Variants in SPRED2 observed in about 807,000 individuals in gnomAD.
The protein encoded by SPRED2 is sprouty-related, EVH1 domain-containing protein 2.
Under a neutral mutation model 43.0 loss-of-function variants are expected in SPRED2, and 47 were observed. The ratio of observed to expected loss-of-function variants is 1.09; its 90% CI spans 0.87 to 1.40. The LOEUF (loss-of-function observed/expected upper bound fraction) is 1.40. SPRED2 is among the 40% of genes most tolerant of loss of function. The pLI is 0.00. For synonymous variants in SPRED2, 225 were observed against 225.7 expected, an observed-to-expected ratio of 1.00 and a Z score of 0.03; for missense variants, 561 against 586.4, an observed-to-expected ratio of 0.96 and a Z score of 0.45.
Position 65,314,083 on chromosome 2 carries a change from C to T in SPRED2, c.675G>A (p.Met225Ile). ...VRINPREKIW[M>I]TGYEDYRHAP... ...CGTGCCGGTAATCCTCGTACCCCGT[C>T]ATCCAGATCTTCTCCCGGGGGTTGA... Residue 225 changes from methionine (M) to isoleucine (I), a missense_variant, in exon 6 of 6, where the codon ATG (methionine) becomes ATA (isoleucine). By Grantham distance (10) the Met-to-Ile change is conservative (BLOSUM62 1). Coordinates refer to ENST00000356388, the MANE Select transcript of SPRED2 (RefSeq NM_181784.3). 6.2e-7 allele frequency: 1 copy of T among 1,613,934 alleles called. No homozygotes were observed.
intron 2 of SPRED2, among the ~76,000 whole-genome samples, chr2:65,338,848 G>T (rs989369268): frequency 6.6e-6 from 1 of 151,754 alleles, no homozygotes; most frequent in Non-Finnish European, 1.5e-5. Flanking sequence ...CACCTGGGAA[G>T]TGAGGAGCGC....
At chr2:65,349,784 G>A (rs1356428533) in intron 1 of SPRED2, among the ~76,000 whole-genome samples, 1 of 152,208 alleles carries the variant, frequency 6.6e-6, no homozygotes, top group Non-Finnish European at 1.5e-5. Context: ...TGCACTCTGA[G>A]GCCTCCTCCT....
Position 65,313,752 on chromosome 2 carries a change from A to G in SPRED2, c.1006T>C (p.Cys336Arg). The change falls in exon 6 of 6, where the codon TGC becomes CGC. Residue 336 changes from cysteine to arginine, a missense_variant. Physicochemically the swap from Cys to Arg is radical, Grantham distance 180. Transcript: ENST00000356388. ...CQDAPDSVRTCIRRVSCMWCA... is the reference protein window; with the variant it reads ...CQDAPDSVRTRIRRVSCMWCA... ...CACATGCAGCTCACCCGGCGGATGC[A>G]AGTTCTCACGGAGTCGGGCGCGTCC... is the stretch of plus-strand genomic sequence containing the variant. 1.2e-6 allele frequency: 2 copies of G among 1,614,174 alleles called. No individual in the cohort carries two copies. Among genetic ancestry groups the G allele is most frequent in the Non-Finnish European group, 1.7e-6 (2 of 1,180,022 alleles).
intron 4 of SPRED2, among the ~76,000 whole-genome samples, chr2:65,327,713 CTTTTTTTTTTTT>C (rs555549300): frequency 1.1e-4 from 8 of 74,468 alleles, no homozygotes; most frequent in South Asian, 7.8e-4. Flanking sequence ...TTCTTTCTTT[CTTTTTTTTTTTT>C]TTTTTTTTTT....
Position 65,432,208 on chromosome 2 carries a change from A to G in SPRED2, c.-221T>C, listed in dbSNP as rs1169806271. On this transcript the variant is annotated 5_prime_UTR_variant, in exon 1 of 6. Coordinates refer to ENST00000356388, the MANE Select transcript of SPRED2 (RefSeq NM_181784.3). ...AGGCTGCGCGGGGAGTGAACGCCGC[A>G]GCGCCGTGGGGAGAGGCGGGCGGAG... 3.4e-6 allele frequency: 2 copies of G among 582,912 alleles called. No individual in the cohort carries two copies. The highest frequency in any genetic ancestry group is 3.0e-5 in the East Asian group (1 of 33,396). The allele number at this position is 582,912 out of a possible 1,614,324, so 36.1% of individuals were successfully genotyped here.
intron 4 of SPRED2, among the ~76,000 whole-genome samples, chr2:65,323,929 C>A (rs543320982): frequency 3.3e-5 from 5 of 151,706 alleles, no homozygotes; most frequent in Non-Finnish European, 5.9e-5. Flanking sequence ...GGGTGCTTTG[C>A]GGGATGTGGG....
At chr2:65,407,082 C>A (rs1407200853) in intron 1 of SPRED2, among the ~76,000 whole-genome samples, 2 of 152,034 alleles carry the variant, frequency 1.3e-5, no homozygotes, top group Non-Finnish European at 2.9e-5. Context: ...CACCCACCAC[C>A]ATGCCCGGCT....
intron 3 of SPRED2, chr2:65,334,287 C>T (rs1222009062): frequency 1.2e-5 from 6 of 487,586 alleles, no homozygotes; most frequent in South Asian, 9.3e-5. Flanking sequence ...CAGACCAGAC[C>T]AAAGCCATTT....
intron 1 of SPRED2, among the ~76,000 whole-genome samples, chr2:65,355,358 T>G (rs531231564): frequency 6.6e-6 from 1 of 152,192 alleles, no homozygotes; most frequent in Non-Finnish European, 1.5e-5. Context: ...TCAGAGGTAG[T>G]TCTGAGTTTT....
Position 65,367,385 on chromosome 2 carries a change from T to C in SPRED2, c.27-22489A>G, listed in dbSNP as rs373294996. On this transcript the variant is annotated intron_variant, in intron 1 of 5. Coordinates refer to ENST00000356388, the MANE Select transcript of SPRED2 (RefSeq NM_181784.3). ...GGCAAAATCTTGATAAATGGTTGCATCTGTGTAGTGCGTATATGCAGGCTG... is the reference window on the plus strand; with the variant it reads ...GGCAAAATCTTGATAAATGGTTGCACCTGTGTAGTGCGTATATGCAGGCTG... 2.8e-3 allele frequency among the ~76,000 whole-genome samples: 424 copies of C among 152,336 alleles called. 2 individuals are homozygous for C. Among genetic ancestry groups the C allele is most frequent in the African/African-American group, 9.9e-3 (410 of 41,568 alleles).
At chr2:65,331,645 C>T (rs140582602) in intron 4 of SPRED2, among the ~76,000 whole-genome samples, 1 of 152,294 alleles carries the variant, frequency 6.6e-6, no homozygotes, top group Non-Finnish European at 1.5e-5. Context: ...AGGTGTTTCC[C>T]AGGACTAGGG....
At chr2:65,363,205 C>T (rs1674875913) in intron 1 of SPRED2, among the ~76,000 whole-genome samples, 1 of 141,248 alleles carries the variant, frequency 7.1e-6, no homozygotes, top group Non-Finnish European at 1.5e-5. Context: ...TGCCATTGCA[C>T]TCCACCCTGG....
chr2:65,316,130 A>C (rs924462717), intron 5 of SPRED2, among the ~76,000 whole-genome samples: 1 of 152,240 alleles, frequency 6.6e-6, no homozygotes, highest in African/African-American at 2.4e-5. Flanking sequence ...ACAGCACCCC[A>C]CACAGGCACC....
intron 1 of SPRED2, among the ~76,000 whole-genome samples, chr2:65,348,944 CAT>C (rs1674428563): frequency 6.6e-6 from 1 of 152,178 alleles, no homozygotes; most frequent in Non-Finnish European, 1.5e-5. Flanking sequence ...ATATAAAAGT[CAT>C]AGGACATACA....
chr2:65,339,284 G>T lies in SPRED2; in HGVS notation c.205-4511C>A, dbSNP rs114008988. Reference sequence around the variant, plus strand: ...CGATGGCGGTTTTCTGGAATGGAAGGGGGGGCAGGGTGGGGAAAGGATTGA... The same window carrying T: ...CGATGGCGGTTTTCTGGAATGGAAGTGGGGGCAGGGTGGGGAAAGGATTGA... On this transcript the variant is annotated intron_variant, in intron 2 of 5. Transcript: ENST00000356388. Among the ~76,000 whole-genome samples the T allele has an allele frequency of 2.9e-3, 441 of 151,712 alleles. 3 individuals are homozygous for T. The highest frequency in any genetic ancestry group is 9.2e-3 in the African/African-American group (382 of 41,324).
chr2:65,404,418 T>C (rs539885564), intron 1 of SPRED2, among the ~76,000 whole-genome samples: 4 of 152,354 alleles, frequency 2.6e-5, no homozygotes, highest in African/African-American at 9.6e-5. Context: ...TACTTGTCTA[T>C]GCCAAACCAA....
In SPRED2 at chr2:65,313,491, G is replaced by T. The variant is rs780742103; in HGVS notation, c.*10C>A. 97 of 1,588,778 alleles carry T rather than the reference G, an allele frequency of 6.1e-5. No homozygotes were observed. In the African/African-American group the frequency reaches 1.2e-3, roughly 20 times the overall value. On this transcript the variant is annotated 3_prime_UTR_variant, in exon 6 of 6. Coordinates refer to ENST00000356388, the MANE Select transcript of SPRED2 (RefSeq NM_181784.3). Reference sequence around the variant, plus strand: ...GGCTGCGGATGGAGGGAGAAGGGAGGGAAACTGAGTCACGCGGCCGCTTTG... The same window carrying T: ...GGCTGCGGATGGAGGGAGAAGGGAGTGAAACTGAGTCACGCGGCCGCTTTG...
chr2:65,362,425 A>C (rs949347818), intron 1 of SPRED2, among the ~76,000 whole-genome samples: 3 of 151,722 alleles, frequency 2.0e-5, no homozygotes, highest in African/African-American at 7.3e-5. Flanking sequence ...GCCCGACACC[A>C]CGCCCAGCTA....
intron 1 of SPRED2, among the ~76,000 whole-genome samples, chr2:65,384,642 A>G (rs1675449446): frequency 6.6e-6 from 1 of 152,144 alleles, no homozygotes; most frequent in Non-Finnish European, 1.5e-5. Flanking sequence ...CAGAAGGCAG[A>G]TGCTACCCCC....
Sources: allele counts gnomAD v4.1 joint callset (sites outside exome capture counted in the v4.1 genomes callset), GRCh38; gene constraint gnomAD v4.1.1; transcripts MANE v1.5; gene names NCBI Gene and HGNC (gene_info 2026-07-23, HGNC 2026-07-21).